The following INTS4 variants were observed in gnomAD, a reference collection of about 807,000 sequenced individuals.
INTS4 encodes the protein integrator complex subunit 4.
Under a neutral mutation model 119.5 loss-of-function variants are expected in INTS4, and 70 were observed. The observed-to-expected ratio is 0.59, with a 90% CI of 0.48 to 0.71. The LOEUF (loss-of-function observed/expected upper bound fraction) is 0.71, where lower values mean the gene tolerates loss of function less well. Ranked by LOEUF, INTS4 falls within the 30% of genes least tolerant of loss-of-function variation. The probability of loss-of-function intolerance (pLI) is 0.00; values close to 1 mark genes in which losing one functional copy is unlikely to be tolerated. For synonymous variants in INTS4, 316 were observed against 419.6 expected, an observed-to-expected ratio of 0.75 and a Z score of 3.02; for missense variants, 867 against 1,173.2, an observed-to-expected ratio of 0.74 and a Z score of 3.81.
intron 10 of INTS4, among the ~76,000 whole-genome samples, chr11:77,933,388 G>A (rs1953706840): frequency 2.5e-4 from 3 of 12,218 alleles, no homozygotes; most frequent in Admixed American, 1.1e-3. Flanking sequence ...ACGTCTGACT[G>A]GTTTTCGTAT....
chr11:77,883,865 T>C lies in INTS4; in HGVS notation c.2680A>G (p.Thr894Ala). The C allele has an allele frequency of 6.2e-7, 1 of 1,612,722 alleles. No homozygotes were observed. Among genetic ancestry groups the C allele is most frequent in the Non-Finnish European group, 8.5e-7 (1 of 1,179,420 alleles). ...GCGGTGTGGGAGAGATAAACCTGAG[T>C]GATGAGCCGGTGCCGCCCTGGGCCA... ...NPGPGRHRLI[T>A]QVYLSHTAWT... is the part of the protein sequence containing the mutation. The change falls in exon 22 of 23, where the codon ACT becomes GCT. Residue 894 changes from threonine (T) to alanine (A), a missense_variant. By Grantham distance (58) the Thr-to-Ala change is moderately conservative. Coordinates refer to ENST00000534064, the MANE Select transcript of INTS4 (RefSeq NM_033547.4).
intron 21 of INTS4, among the ~76,000 whole-genome samples, chr11:77,890,882 G>T (rs1952233044): frequency 6.6e-6 from 1 of 152,166 alleles, no homozygotes; most frequent in African/African-American, 2.4e-5. Flanking sequence ...ACTTGGGAAA[G>T]AATATTTCCT....
intron 8 of INTS4, among the ~76,000 whole-genome samples, chr11:77,944,492 C>T (rs1337316969): frequency 2.6e-5 from 4 of 152,208 alleles, no homozygotes; most frequent in Non-Finnish European, 5.9e-5. Flanking sequence ...GAGATCAGCT[C>T]CTCCAAGAAG....
At chr11:77,976,986 T>C (rs2136632772) in intron 4 of INTS4, among the ~76,000 whole-genome samples, 1 of 152,066 alleles carries the variant, frequency 6.6e-6, no homozygotes, top group African/African-American at 2.4e-5. Flanking sequence ...AAATTACGAG[T>C]TGATGGGTAC....
intron 2 of INTS4, among the ~76,000 whole-genome samples, 186 bp downstream of exon 2, chr11:77,990,922 A>G (rs1209062390): frequency 6.6e-6 from 1 of 151,914 alleles, no homozygotes; most frequent in Non-Finnish European, 1.5e-5. Context: ...TCTACTATAC[A>G]CAGTATAACT....
At chr11:77,945,835 C>G (rs576211033) in intron 8 of INTS4, among the ~76,000 whole-genome samples, 1 of 152,322 alleles carries the variant, frequency 6.6e-6, no homozygotes, top group South Asian at 2.1e-4. Flanking sequence ...CAGAGTCCCA[C>G]AGTCCCACAG....
chr11:77,980,703 T>C (rs532730868), intron 3 of INTS4, among the ~76,000 whole-genome samples: 42 of 152,232 alleles, frequency 2.8e-4, no homozygotes, highest in South Asian at 1.7e-3. Flanking sequence ...TTTAAAAATG[T>C]GTCTTGGCCG....
At chr11:77,926,734 C>A (rs1953510626) in intron 11 of INTS4, among the ~76,000 whole-genome samples, 1 of 150,286 alleles carries the variant, frequency 6.7e-6, no homozygotes, top group South Asian at 2.1e-4. Flanking sequence ...ATTGCTTGAA[C>A]CCAGGAGGTG....
At chr11:77,970,540 G>GT (rs1855686034) in intron 4 of INTS4, among the ~76,000 whole-genome samples, 1 of 151,244 alleles carries the variant, frequency 6.6e-6, no homozygotes, top group Non-Finnish European at 1.5e-5. Context: ...GAAAGCAGCT[G>GT]AGCGAACACC....
chr11:77,956,272 G>A (rs1448104295), intron 7 of INTS4, among the ~76,000 whole-genome samples: 3 of 152,146 alleles, frequency 2.0e-5, no homozygotes, highest in Admixed American at 1.3e-4. Context: ...TTAGCTAGGC[G>A]TGGTGGCATG....
chr11:77,928,493 G>C lies in INTS4; in HGVS notation c.1220C>G (p.Ser407Cys). ...ALCMLAQSSP[S>C]FAEKCLDFLV... ...GAAATCAAGGCACTTCTCAGCAAAA[G>C]AGGGTGAAGACTGGGCCAACATGCA... The change falls in exon 11 of 23, where the codon TCT becomes TGT. Residue 407 changes from serine (S) to cysteine (C), a missense_variant. Physicochemically the swap from Ser to Cys is moderately radical, Grantham distance 112. Coordinates refer to ENST00000534064, the MANE Select transcript of INTS4 (RefSeq NM_033547.4). 1.2e-6 allele frequency: 2 copies of C among 1,605,534 alleles called. No homozygotes were observed. Among genetic ancestry groups the C allele is most frequent in the East Asian group, 4.5e-5 (2 of 44,670 alleles).
At chr11:77,907,242 T>C (rs1341492435) in intron 16 of INTS4, among the ~76,000 whole-genome samples, 1 of 152,152 alleles carries the variant, frequency 6.6e-6, no homozygotes, top group African/African-American at 2.4e-5. Flanking sequence ...ACCTGCCTAC[T>C]TTAAATTTTC....
intron 4 of INTS4, among the ~76,000 whole-genome samples, chr11:77,963,058 A>G (rs1855316526): frequency 1.3e-5 from 2 of 152,196 alleles, no homozygotes; most frequent in Admixed American, 6.6e-5. Flanking sequence ...TGAACTATTT[A>G]TATTTAGTAT....
In INTS4 at chr11:77,956,739, ATAATAATAATAATAATAAT is replaced by A. The variant is rs1298060251; in HGVS notation, c.798-696_798-678del. 1.3e-3 allele frequency among the ~76,000 whole-genome samples: 128 copies of A among 95,996 alleles called. 2 individuals are homozygous for A. Among genetic ancestry groups the A allele is most frequent in the Non-Finnish European group, 1.4e-3 (60 of 42,410 alleles). 63.0% of individuals were successfully genotyped at this position (95,996 alleles called of 152,430 possible). On this transcript the variant is annotated intron_variant, in intron 7 of 22. Transcript: ENST00000534064. ...AATAATAATAATAATAATAATAATAATAATAATAATAATAATAATAAACAAATAAATACATAAGTAAGTA... is the reference window on the plus strand; with the variant it reads ...AATAATAATAATAATAATAATAATAAAAACAAATAAATACATAAGTAAGTA...
At chr11:77,947,931 T>C (rs556513702) in intron 8 of INTS4, among the ~76,000 whole-genome samples, 7 of 152,250 alleles carry the variant, frequency 4.6e-5, no homozygotes, top group Admixed American at 2.0e-4. Context: ...GCAGCCTCAA[T>C]CTTCCAGGCT....
chr11:77,963,253 C>T (rs1246940441), intron 4 of INTS4, among the ~76,000 whole-genome samples: 1 of 144,202 alleles, frequency 6.9e-6, no homozygotes, highest in Admixed American at 7.4e-5. Flanking sequence ...GAAACAATTA[C>T]AATTTTATGA....
At chr11:77,952,806 T>C (rs573130485) in intron 8 of INTS4, among the ~76,000 whole-genome samples, 11 of 152,282 alleles carry the variant, frequency 7.2e-5, no homozygotes, top group Non-Finnish European at 1.3e-4. Context: ...TTTTGAATGA[T>C]TCTTACTTTA....
At chr11:77,985,911 T>C (rs769926771) in intron 2 of INTS4, among the ~76,000 whole-genome samples, 1 of 152,062 alleles carries the variant, frequency 6.6e-6, no homozygotes, top group South Asian at 2.1e-4. Context: ...TACTAATGCC[T>C]GATCACAAAA....
At chr11:77,914,121 T>C (rs1036538560) in intron 15 of INTS4, among the ~76,000 whole-genome samples, 6 of 152,256 alleles carry the variant, frequency 3.9e-5, no homozygotes, top group African/African-American at 1.4e-4. Context: ...CTCAGTGCTA[T>C]GGTCCATCTG....
Sources: gnomAD v4.1 joint callset for allele counts (sites outside exome capture counted in the v4.1 genomes callset) on GRCh38, gnomAD v4.1.1 for gene constraint, MANE v1.5 for transcripts, NCBI Gene and HGNC (gene_info 2026-07-23, HGNC 2026-07-21) for gene names.